Variants in PDE4D observed in about 807,000 individuals in gnomAD.
PDE4D encodes the protein 3',5'-cyclic-AMP phosphodiesterase 4D.
PDE4D carries 24 observed loss-of-function variants against 87.4 expected under a neutral mutation model. The observed-to-expected ratio is 0.27, with a 90% CI of 0.20 to 0.39. The LOEUF is 0.39. Among genes scored for constraint, PDE4D ranks in the 10% least tolerant of loss-of-function variants. The pLI is 1.00. For missense variants in PDE4D, 714 were observed against 1,041.0 expected, an observed-to-expected ratio of 0.69 and a Z score of 4.32; for synonymous variants, 384 against 383.2, an observed-to-expected ratio of 1.00 and a Z score of -0.02.
chr5:59,337,585 C>T (rs1257472321), intron 1 of PDE4D, among the ~76,000 whole-genome samples: 1 of 152,074 alleles, frequency 6.6e-6, no homozygotes, highest in Non-Finnish European at 1.5e-5. Flanking sequence ...CCCACAAAGC[C>T]TTATGAGCTA....
intron 1 of PDE4D, among the ~76,000 whole-genome samples, chr5:59,453,179 A>C (rs1799419837): frequency 1.3e-5 from 2 of 152,174 alleles, no homozygotes; most frequent in African/African-American, 4.8e-5. Flanking sequence ...ACCATAAGCC[A>C]TGCCTATATA....
Position 59,766,783 on chromosome 5 carries a change from G to A in PDE4D, c.455+126385C>T. 1.3e-5 allele frequency among the ~76,000 whole-genome samples: 2 copies of A among 152,146 alleles called. 1 individual carries two copies. The highest frequency in any genetic ancestry group is 4.8e-5 in the African/African-American group (2 of 41,424). ...GCCTTTCTTTTATTCACTGTTTGTTGCTCACAATTTTTTCCAAAAAGAAAA... is the reference window on the plus strand; with the variant it reads ...GCCTTTCTTTTATTCACTGTTTGTTACTCACAATTTTTTCCAAAAAGAAAA... On this transcript the variant is annotated intron_variant, in intron 1 of 14. Coordinates refer to ENST00000340635, the MANE Select transcript of PDE4D (RefSeq NM_001104631.2).
intron 1 of PDE4D, among the ~76,000 whole-genome samples, chr5:59,381,176 A>C (rs1396286239): frequency 6.6e-6 from 1 of 152,212 alleles, no homozygotes; most frequent in Non-Finnish European, 1.5e-5. Context: ...AGGCCAGTCC[A>C]TTAGCTTTGT....
Position 59,661,074 on chromosome 5 carries a change from T to TTATATATATATATATATA in PDE4D, c.455+232076_455+232093dup, listed in dbSNP as rs3062479. Among the ~76,000 whole-genome samples the TTATATATATATATATATA allele has an allele frequency of 3.2e-3, 454 of 139,994 alleles. 1 individual carries two copies. The highest frequency in any genetic ancestry group is 3.9e-3 in the Admixed American group (54 of 13,910). 91.8% of individuals were successfully genotyped at this position (139,994 alleles called of 152,430 possible). ...CCAGCACTGCATTTTCATGATAATA[T>TTATATATATATATATATA]TATATATATATATATATATATATTT... On this transcript the variant is annotated intron_variant, in intron 1 of 14. Coordinates refer to ENST00000340635, the MANE Select transcript of PDE4D (RefSeq NM_001104631.2).
chr5:59,685,532 T>A (rs78647647), intron 1 of PDE4D, among the ~76,000 whole-genome samples: 13 of 152,124 alleles, frequency 8.5e-5, no homozygotes, highest in Admixed American at 8.5e-4. Flanking sequence ...CTGAAAAAAT[T>A]TTCCCTGTTT....
At chr5:60,028,134 A>G (rs1280785695) in intron 2 of PDE4D, among the ~76,000 whole-genome samples, 1 of 151,942 alleles carries the variant, frequency 6.6e-6, no homozygotes, top group African/African-American at 2.4e-5. Context: ...ATACATCACT[A>G]TTTCATGGAC....
chr5:59,530,972 T>C (rs536692875), intron 1 of PDE4D, among the ~76,000 whole-genome samples: 7 of 152,228 alleles, frequency 4.6e-5, no homozygotes, highest in Non-Finnish European at 1.0e-4. Context: ...TAAGTGATTG[T>C]AAGAATTCAT....
At chr5:60,397,687 T>C (rs1762976716) in intron 1 of PDE4D, among the ~76,000 whole-genome samples, 1 of 152,150 alleles carries the variant, frequency 6.6e-6, no homozygotes, top group Admixed American at 6.5e-5. Context: ...GATAGGAAAC[T>C]TCAGTTAGCT....
rs77962121 is a variant in PDE4D at position 59,703,189 on chromosome 5, G to C, written c.455+189979C>G. Among the ~76,000 whole-genome samples the C allele has an allele frequency of 9.3e-3, 1,415 of 152,194 alleles. 25 individuals are homozygous for C. The highest frequency in any genetic ancestry group is 0.033 in the African/African-American group (1,351 of 41,538). ...ATAACTTTAGAATAATCACTTAAAA[G>C]TCTGCTGTTTTTGACCATAATTGCA... is the stretch of plus-strand genomic sequence containing the variant. On this transcript the variant is annotated intron_variant, in intron 1 of 14. Coordinates refer to ENST00000340635, the MANE Select transcript of PDE4D (RefSeq NM_001104631.2).
chr5:60,003,717 A>G (rs2152840281), intron 2 of PDE4D, among the ~76,000 whole-genome samples: 1 of 151,442 alleles, frequency 6.6e-6, no homozygotes, highest in Non-Finnish European at 1.5e-5. Context: ...TAAAAAAAAA[A>G]AAAAAAAAAA....
intron 1 of PDE4D, among the ~76,000 whole-genome samples, chr5:59,702,462 C>A (rs1322764697): frequency 3.3e-5 from 5 of 151,992 alleles, no homozygotes; most frequent in Non-Finnish European, 5.9e-5. Flanking sequence ...TATAATCGTG[C>A]TGAGAGAATA....
intron 2 of PDE4D, among the ~76,000 whole-genome samples, chr5:59,200,208 GATACACGTGTATGTATAC>G (rs1241514236): frequency 1.5e-5 from 2 of 137,200 alleles, no homozygotes. Context: ...TGTATGTATA[GATACACGTGTATGTATAC>G]ATACATATGT....
chr5:60,114,359 C>G (rs1169414648), intron 2 of PDE4D, among the ~76,000 whole-genome samples: 1 of 152,062 alleles, frequency 6.6e-6, no homozygotes, highest in Non-Finnish European at 1.5e-5. Context: ...AAAAAATTCT[C>G]TCACTTGTAA....
At chr5:59,438,751 T>C (rs1475484532) in intron 1 of PDE4D, among the ~76,000 whole-genome samples, 2 of 152,154 alleles carry the variant, frequency 1.3e-5, no homozygotes, top group African/African-American at 2.4e-5. Flanking sequence ...TCCAAATCTA[T>C]TTCTGTACTC....
chr5:58,975,024 G>A lies in PDE4D; in HGVS notation c.2070C>T (p.Val690=), dbSNP rs1412102887. Residue 690 remains valine, a synonymous_variant, in exon 15 of 15, where the codon GTC becomes GTT. Coordinates refer to ENST00000340635, the MANE Select transcript of PDE4D (RefSeq NM_001104631.2). The surrounding 1 kb of genome is among the most constrained non-coding windows in gnomAD (Gnocchi z 4.2). Reference sequence around the variant, plus strand: ...CCAAAATATCCTGGGCGTCAGGGTGGACGAGGTCTGCCCATGTCTCCCAGA... The same window carrying A: ...CCAAAATATCCTGGGCGTCAGGGTGAACGAGGTCTGCCCATGTCTCCCAGA... The part of the protein sequence containing the change: ...HPLWETWADL[V]HPDAQDILDT... The A allele has an allele frequency of 1.9e-6, 3 of 1,601,914 alleles. No individual in the cohort carries two copies. The highest frequency in any genetic ancestry group is 2.6e-6 in the Non-Finnish European group (3 of 1,172,044).
intron 1 of PDE4D, among the ~76,000 whole-genome samples, chr5:59,405,095 A>AT (rs36013923): frequency 0.67 from 101,720 of 151,500 alleles, 34,958 homozygotes; most frequent in African/African-American, 0.8. Context: ...GAATTTTAAG[A>AT]TATTTTTCTA....
chr5:60,117,113 A>G (rs1342044245), intron 2 of PDE4D, among the ~76,000 whole-genome samples: 9 of 152,084 alleles, frequency 5.9e-5, no homozygotes, highest in Non-Finnish European at 7.4e-5. Context: ...TTATAATTAT[A>G]GTGTTGATAT....
intron 1 of PDE4D, among the ~76,000 whole-genome samples, chr5:60,194,637 T>C (rs1003470404): frequency 4.0e-5 from 6 of 151,682 alleles, no homozygotes; most frequent in African/African-American, 9.7e-5. Context: ...CCACTTTTGA[T>C]TGGCACTTGG....
At chr5:59,076,960 TA>T (rs574555084) in intron 5 of PDE4D, among the ~76,000 whole-genome samples, 42 of 152,360 alleles carry the variant, frequency 2.8e-4, no homozygotes, top group Middle Eastern at 3.4e-3. Context: ...TATTGATATC[TA>T]AAAATATATG....
Sources: allele counts gnomAD v4.1 joint callset (sites outside exome capture counted in the v4.1 genomes callset), GRCh38; gene constraint gnomAD v4.1.1; non-coding constraint Gnocchi (gnomAD v3.1); transcripts MANE v1.5; gene names NCBI Gene and HGNC (gene_info 2026-07-23, HGNC 2026-07-21).